The following RASEF variants were observed in gnomAD, a reference collection of about 807,000 sequenced individuals.
The protein encoded by RASEF is ras and EF-hand domain-containing protein.
A neutral mutation model predicts 90.1 loss-of-function variants in RASEF; 68 were observed. The observed-to-expected ratio is 0.75, with a 90% CI of 0.62 to 0.92. The LOEUF (loss-of-function observed/expected upper bound fraction) is 0.92. Ranked by LOEUF, RASEF falls within the 40% of genes least tolerant of loss-of-function variation. The pLI is 0.00. For missense variants in RASEF, 949 were observed against 937.2 expected (o/e 1.01, Z -0.16); for synonymous variants, 331 against 345.2 (o/e 0.96, Z 0.46).
At chr9:83,215,041 C>T in the RASEF span, among the ~76,000 whole-genome samples, 1 of 151,526 alleles carries the variant, frequency 6.6e-6, no homozygotes, top group Non-Finnish European at 1.5e-5. Context: ...AGCAGAAAGA[C>T]AGCAAATGAT....
At chr9:83,208,080 C>T in the RASEF span, among the ~76,000 whole-genome samples, 57 of 152,320 alleles carry the variant, frequency 3.7e-4, no homozygotes, top group African/African-American at 1.2e-3. Flanking sequence ...CTTTCTCCAT[C>T]CATTGGAGCT....
At chr9:83,166,343 G>A in the RASEF span, among the ~76,000 whole-genome samples, 115 of 152,242 alleles carry the variant, frequency 7.6e-4, no homozygotes, top group African/African-American at 2.7e-3. Flanking sequence ...AGGTATGCAA[G>A]GCTGGGAAAT....
intron 3 of RASEF, among the ~76,000 whole-genome samples, chr9:83,020,837 T>C (rs961965438): frequency 2.0e-5 from 3 of 152,126 alleles, no homozygotes. Context: ...AATGAATTTG[T>C]GCACAGATTA....
At chr9:83,135,335 C>T in the RASEF span, among the ~76,000 whole-genome samples, 4 of 151,512 alleles carry the variant, frequency 2.6e-5, no homozygotes, top group Admixed American at 1.3e-4. Flanking sequence ...CAGCACACAC[C>T]GGGGCCTGTC....
chr9:82,992,863 A>C (rs370411003), intron 15 of RASEF, 43 bp downstream of exon 15: 18 of 1,601,054 alleles, frequency 1.1e-5, no homozygotes, highest in Non-Finnish European at 1.4e-5. Flanking sequence ...AAAGCCATTA[A>C]ACCCCATGTT....
intron 14 of RASEF, 147 bp from the exon 15 acceptor site, chr9:82,993,172 A>G: frequency 1.3e-6 from 1 of 765,294 alleles, no homozygotes; most frequent in South Asian, 2.0e-5. Context: ...ACCTCAAAGT[A>G]TCTCTAAAAA....
chr9:82,992,503 C>T (rs1209285531), intron 15 of RASEF, among the ~76,000 whole-genome samples: 1 of 152,190 alleles, frequency 6.6e-6, no homozygotes, highest in Non-Finnish European at 1.5e-5. Context: ...GACACTGTAC[C>T]TTCTTCTGCC....
intron 1 of RASEF, chr9:83,049,292 A>G: frequency 2.0e-6 from 2 of 985,116 alleles, no homozygotes; most frequent in Non-Finnish European, 2.4e-6. Context: ...CAATGACATC[A>G]GAATTAGCAA....
chr9:83,213,407 A>T, the RASEF span, among the ~76,000 whole-genome samples: 1 of 152,008 alleles, frequency 6.6e-6, no homozygotes, highest in Non-Finnish European at 1.5e-5. Flanking sequence ...CTGAAAAAAA[A>T]AAAAAAAGAT....
chr9:83,131,999 A>G, the RASEF span, among the ~76,000 whole-genome samples: 1 of 152,220 alleles, frequency 6.6e-6, no homozygotes, highest in Non-Finnish European at 1.5e-5. Context: ...GTGATAGAAC[A>G]CATTTTCCAA....
At chr9:83,162,485 C>T in the RASEF span, among the ~76,000 whole-genome samples, 2 of 152,012 alleles carry the variant, frequency 1.3e-5, no homozygotes, top group South Asian at 2.1e-4. Flanking sequence ...GTTGGGAAAT[C>T]GTTTTTGAAT....
chr9:83,125,475 A>G, the RASEF span, among the ~76,000 whole-genome samples: 2 of 152,322 alleles, frequency 1.3e-5, no homozygotes, highest in African/African-American at 2.4e-5. Flanking sequence ...TAAGAAACTG[A>G]TATCACTGGC....
the RASEF span, among the ~76,000 whole-genome samples, chr9:83,167,964 T>C: frequency 6.6e-6 from 1 of 152,174 alleles, no homozygotes; most frequent in Non-Finnish European, 1.5e-5. Flanking sequence ...AATGCCTCAA[T>C]GGACATTCAT....
At chr9:82,990,265 T>A (rs1174914779) in intron 16 of RASEF, 126 bp downstream of exon 16, 2 of 624,228 alleles carry the variant, frequency 3.2e-6, no homozygotes, top group Non-Finnish European at 5.6e-6. Flanking sequence ...TATTTATTTC[T>A]CCCACCATGA....
chr9:83,006,137 T>C (rs1364605897), intron 7 of RASEF, among the ~76,000 whole-genome samples: 1 of 152,250 alleles, frequency 6.6e-6, no homozygotes, highest in Non-Finnish European at 1.5e-5. Context: ...AGCTTAAGGC[T>C]GGTTCACCCT....
chr9:83,173,310 GA>G, the RASEF span, among the ~76,000 whole-genome samples: 1 of 151,268 alleles, frequency 6.6e-6, no homozygotes, highest in East Asian at 2.0e-4. Flanking sequence ...GTATTTCTTT[GA>G]AAAAAACTTT....
chr9:83,109,141 T>C, the RASEF span, among the ~76,000 whole-genome samples: 1 of 152,196 alleles, frequency 6.6e-6, no homozygotes, highest in Non-Finnish European at 1.5e-5. Context: ...ATGGAGTGTA[T>C]GTGGACATTG....
At chr9:83,047,183 C>G (rs1184829726) in intron 1 of RASEF, among the ~76,000 whole-genome samples, 1 of 151,792 alleles carries the variant, frequency 6.6e-6, no homozygotes, top group Non-Finnish European at 1.5e-5. Flanking sequence ...TGCCTGGTCA[C>G]TTAAAAATGG....
chr9:83,129,276 G>T, the RASEF span, among the ~76,000 whole-genome samples: 1 of 151,808 alleles, frequency 6.6e-6, no homozygotes, highest in East Asian at 1.9e-4. Context: ...GCATGGTGGC[G>T]GGCACCTGTG....
Sources: allele counts gnomAD v4.1 joint callset (sites outside exome capture counted in the v4.1 genomes callset), GRCh38; gene constraint gnomAD v4.1.1; transcripts MANE v1.5; gene names NCBI Gene and HGNC (gene_info 2026-07-23, HGNC 2026-07-21).